KAT6A: variants seen among roughly 807,000 people sequenced by gnomAD.
KAT6A encodes the protein histone acetyltransferase KAT6A.
KAT6A carries 9 observed loss-of-function variants against 198.4 expected under a neutral mutation model. The ratio of observed to expected loss-of-function variants is 0.05; its 90% CI spans 0.03 to 0.08. The LOEUF is 0.08. Ranked by LOEUF, KAT6A falls within the 10% of genes least tolerant of loss-of-function variation. KAT6A has a pLI of 1.00. For missense variants in KAT6A, 2,077 were observed against 2,509.9 expected, an observed-to-expected ratio of 0.83 and a Z score of 3.69; for synonymous variants, 890 against 883.0, an observed-to-expected ratio of 1.01 and a Z score of -0.14.
At chr8:41,961,239 C>T (rs1823189468) in intron 8 of KAT6A, among the ~76,000 whole-genome samples, 1 of 152,244 alleles carries the variant, frequency 6.6e-6, no homozygotes, top group Admixed American at 6.5e-5. Flanking sequence ...TGTCTGCCTC[C>T]ACCTTTGTGC....
In KAT6A at chr8:42,049,100, C is replaced by T; in HGVS notation, c.-123G>A. 2 of 1,019,394 alleles carry T rather than the reference C, an allele frequency of 2.0e-6. No individual in the cohort carries two copies. 63.1% of individuals were successfully genotyped at this position (1,019,394 alleles called of 1,614,324 possible). On this transcript the variant is annotated 5_prime_UTR_variant, in exon 2 of 17. Coordinates refer to ENST00000265713, the MANE Select transcript of KAT6A (RefSeq NM_006766.5). ...CAGTTAACCATAGCATATGAGTTTT[C>T]TGGCCTAAGTCCTTCCTCCTTTCAC...
chr8:41,989,863 A>G lies in KAT6A; in HGVS notation c.601-2300T>C, dbSNP rs567178655. Among the ~76,000 whole-genome samples the G allele has an allele frequency of 3.3e-5, 5 of 152,354 alleles. No homozygotes were observed. In the East Asian group the frequency reaches 9.6e-4, roughly 29 times the overall value. On this transcript the variant is annotated intron_variant, in intron 2 of 16. Coordinates refer to ENST00000265713, the MANE Select transcript of KAT6A (RefSeq NM_006766.5). The stretch of plus-strand genomic sequence containing the variant: ...GAGAGTTGGGTGGAACACCAATATC[A>G]AAACATCCAACACAAATAAGCTAAC...
intron 8 of KAT6A, among the ~76,000 whole-genome samples, chr8:41,959,351 A>C (rs1372697720): frequency 6.6e-6 from 1 of 152,160 alleles, no homozygotes; most frequent in Non-Finnish European, 1.5e-5. Flanking sequence ...ACACCAGAAA[A>C]TAACAGATGT....
chr8:41,966,426 G>A (rs997842541), intron 8 of KAT6A, among the ~76,000 whole-genome samples: 1 of 152,086 alleles, frequency 6.6e-6, no homozygotes, highest in Non-Finnish European at 1.5e-5. Context: ...AGTACATACA[G>A]GGTTCAGTAC....
At chr8:42,031,207 T>C (rs1442814422) in intron 2 of KAT6A, among the ~76,000 whole-genome samples, 1 of 152,226 alleles carries the variant, frequency 6.6e-6, no homozygotes, top group Admixed American at 6.5e-5. Context: ...TTCTCGTTTT[T>C]GTACTTTTTG....
At chr8:41,971,610 CTTT>C (rs35976311) in intron 8 of KAT6A, among the ~76,000 whole-genome samples, 17 of 145,294 alleles carry the variant, frequency 1.2e-4, no homozygotes, top group Non-Finnish European at 1.1e-4. Context: ...AGAACAGACT[CTTT>C]TTTTTTTTTT....
At chr8:42,041,831 T>C (rs142753184) in intron 2 of KAT6A, among the ~76,000 whole-genome samples, 19 of 152,246 alleles carry the variant, frequency 1.2e-4, no homozygotes, top group African/African-American at 4.3e-4. Context: ...CACTTGATAA[T>C]AGCTACATTT....
rs1383548518 is a variant in KAT6A, at chr8:41,933,975, A to T, written c.4245T>A (p.Ile1415=). The T allele has an allele frequency of 1.2e-6, 2 of 1,613,840 alleles. No homozygotes were observed. The highest frequency in any genetic ancestry group is 2.2e-5 in the South Asian group (2 of 91,062). The change falls in exon 17 of 17, where the codon ATT becomes ATA. Residue 1415 remains isoleucine (I), a synonymous_variant. Transcript: ENST00000265713. This position sits in a 1 kb window ranked among gnomAD's most constrained non-coding sequence, Gnocchi z 6.2. ...TTTCCAGATCCAGCTCACTATGAGG[A>T]ATCTCTTCCTCCTCTTTTAATTCGA... ...ELIELKEEEE[I]PHSELDLETV...
intron 2 of KAT6A, among the ~76,000 whole-genome samples, chr8:41,992,417 C>T (rs1824992068): frequency 6.6e-6 from 1 of 152,056 alleles, no homozygotes. Context: ...AAGACTAAAC[C>T]TATTTAAATG....
Position 41,980,810 on chromosome 8 carries a change from T to C in KAT6A, c.907+36A>G, listed in dbSNP as rs1166580361. 6 of 1,407,900 alleles carry C rather than the reference T, an allele frequency of 4.3e-6. No homozygotes were observed. The South Asian group carries it at 4.6e-5, about 11-fold the overall frequency. The allele number at this position is 1,407,900 out of a possible 1,614,324, so 87.2% of individuals were successfully genotyped here. On this transcript the variant is annotated intron_variant, in intron 5 of 16. Transcript: ENST00000265713. ...ATGTGCTTTCACTAACATCCTCCTT[T>C]ATATTCCCAGTTTTATTTCAGAAAG...
Position 41,933,443 on chromosome 8 carries a change from A to G in KAT6A, c.4777T>C (p.Ser1593Pro). The stretch of plus-strand genomic sequence containing the variant: ...CTCTGGGTGAGGCTGCTGGAGGACG[A>G]CAGCCCACCGTAGGAGCAGCTGCTC... ...SQSSCSYGGL[S>P]SSSSLTQSSC... Residue 1593 changes from serine to proline, a missense_variant, in exon 17 of 17, where the codon TCG (serine) becomes CCG (proline). Coordinates refer to ENST00000265713, the MANE Select transcript of KAT6A (RefSeq NM_006766.5). This position sits in a 1 kb window ranked among gnomAD's most constrained non-coding sequence, Gnocchi z 6.2. 6.2e-7 allele frequency: 1 copy of G among 1,612,730 alleles called. No individual in the cohort carries two copies.
At chr8:42,047,316 T>C (rs1423673054) in intron 2 of KAT6A, among the ~76,000 whole-genome samples, 1 of 152,244 alleles carries the variant, frequency 6.6e-6, no homozygotes, top group Non-Finnish European at 1.5e-5. Context: ...CAAAATTTAC[T>C]GTTTAAGAAG....
intron 2 of KAT6A, among the ~76,000 whole-genome samples, chr8:42,030,742 T>C (rs968710585): frequency 2.0e-5 from 3 of 151,882 alleles, no homozygotes; most frequent in African/African-American, 7.3e-5. Context: ...TTTTTTGTTG[T>C]TGTTGTTGTA....
intron 9 of KAT6A, among the ~76,000 whole-genome samples, chr8:41,953,783 A>G (rs1354902262): frequency 1.3e-5 from 2 of 152,166 alleles, no homozygotes; most frequent in African/African-American, 4.8e-5. Context: ...TCTCGGTCAT[A>G]AAAGATCTTG....
chr8:41,987,492 T>C lies in KAT6A; in HGVS notation c.672A>G (p.Pro224=). ...AGTCGGCACAGGAGATGAGTTCCTC[T>C]GGCTTCTTTTCTCGGTTTTGTTCTT... ...GTKEQNREKK[P]EELISCADCG... is the part of the protein sequence containing the mutation. The change falls in exon 3 of 17, where the codon CCA becomes CCG. Residue 224 remains proline, a synonymous_variant. Coordinates refer to ENST00000265713, the MANE Select transcript of KAT6A (RefSeq NM_006766.5). 6.2e-7 allele frequency: 1 copy of C among 1,613,216 alleles called. No individual in the cohort carries two copies. The highest frequency in any genetic ancestry group is 1.1e-5 in the South Asian group (1 of 91,058).
chr8:41,982,121 C>T (rs1824386010), intron 3 of KAT6A, among the ~76,000 whole-genome samples, 167 bp from the exon 4 acceptor site: 1 of 152,044 alleles, frequency 6.6e-6, no homozygotes, highest in African/African-American at 2.4e-5. Flanking sequence ...CAGGACTTGG[C>T]ACCACAATTC....
chr8:41,986,887 A>C (rs1824636738), intron 3 of KAT6A, among the ~76,000 whole-genome samples: 1 of 152,044 alleles, frequency 6.6e-6, no homozygotes, highest in South Asian at 2.1e-4. Context: ...AAAATATAAA[A>C]ATTAGCCAGG....
At chr8:41,952,031 A>G (rs1822693946) in intron 9 of KAT6A, among the ~76,000 whole-genome samples, 1 of 152,234 alleles carries the variant, frequency 6.6e-6, no homozygotes, top group Non-Finnish European at 1.5e-5. Context: ...AGTAATATTC[A>G]TCTCACAGAA....
intron 8 of KAT6A, among the ~76,000 whole-genome samples, chr8:41,964,565 C>T (rs1449240391): frequency 6.7e-6 from 1 of 149,592 alleles, no homozygotes; most frequent in African/African-American, 2.5e-5. Flanking sequence ...CGTAAGAACA[C>T]TGCAGATTTT....
Sources: gnomAD v4.1 joint callset for allele counts (sites outside exome capture counted in the v4.1 genomes callset) on GRCh38, gnomAD v4.1.1 for gene constraint, Gnocchi (gnomAD v3.1) non-coding constraint, MANE v1.5 for transcripts, NCBI Gene and HGNC (gene_info 2026-07-23, HGNC 2026-07-21) for gene names.